MOCOS: variants seen among roughly 807,000 people sequenced by gnomAD.
The protein encoded by MOCOS is molybdenum cofactor sulfurase, also known as human molybdenum cofactor sulfurase.
In MOCOS, 86 loss-of-function variants were observed where a neutral mutation model predicts 83.6. That is an observed-to-expected ratio of 1.03 (90% CI 0.86 to 1.23). The LOEUF is 1.23. MOCOS is among the 50% of genes most tolerant of loss of function. MOCOS has a pLI of 0.00. For synonymous variants in MOCOS, 445 were observed against 434.7 expected (o/e 1.02, Z -0.29); for missense variants, 1,120 against 1,126.9 (o/e 0.99, Z 0.09).
At chr18:36,201,581 G>A (rs565272664) in intron 4 of MOCOS, among the ~76,000 whole-genome samples, 1 of 147,726 alleles carries the variant, frequency 6.8e-6, no homozygotes, top group South Asian at 2.2e-4. Context: ...AGAATTGCTT[G>A]AGCCCAGGAG....
rs188290317 is a variant in MOCOS at position 36,233,383 on chromosome 18, A to G, written c.1960+13166A>G. Reference sequence around the variant, plus strand: ...CCTTTTAATGGCTGAGTAGTATTCCATGGTGTTTGTGTGTTTGTATACCCA... The same window carrying G: ...CCTTTTAATGGCTGAGTAGTATTCCGTGGTGTTTGTGTGTTTGTATACCCA... On this transcript the variant is annotated intron_variant, in intron 9 of 14. Coordinates refer to ENST00000261326, the MANE Select transcript of MOCOS (RefSeq NM_017947.4). Among the ~76,000 whole-genome samples the G allele has an allele frequency of 2.4e-3, 359 of 152,290 alleles. 5 individuals carry two copies. The highest frequency in any genetic ancestry group is 3.9e-3 in the Non-Finnish European group (266 of 68,020).
chr18:36,209,887 A>G (rs2091447947), intron 6 of MOCOS, among the ~76,000 whole-genome samples: 1 of 152,172 alleles, frequency 6.6e-6, no homozygotes, highest in Non-Finnish European at 1.5e-5. Context: ...CATTTTTTGT[A>G]GAGACAGGGT....
intron 7 of MOCOS, 135 bp from the exon 8 acceptor site, chr18:36,215,381 A>G (rs1295542171): frequency 1.2e-5 from 10 of 840,386 alleles, no homozygotes; most frequent in African/African-American, 3.4e-5. Context: ...TCCCAGACGC[A>G]CAGCACATAT....
intron 9 of MOCOS, among the ~76,000 whole-genome samples, chr18:36,241,906 G>C (rs887625935): frequency 1.3e-5 from 2 of 152,200 alleles, no homozygotes; most frequent in African/African-American, 4.8e-5. Flanking sequence ...GCTGGATTGC[G>C]AGTGGCCAGA....
intron 7 of MOCOS, among the ~76,000 whole-genome samples, chr18:36,213,756 C>T (rs1020553584): frequency 6.6e-6 from 1 of 151,496 alleles, no homozygotes; most frequent in Non-Finnish European, 1.5e-5. Context: ...TGGTGAAACC[C>T]TGTCTCTACT....
chr18:36,248,875 G>T (rs369033901), intron 9 of MOCOS, 47 bp from the exon 10 acceptor site: 1 of 1,502,464 alleles, frequency 6.7e-7, no homozygotes, highest in Non-Finnish European at 9.3e-7. Context: ...TCAAGTAGCT[G>T]TTGTTTTTAC....
intron 2 of MOCOS, among the ~76,000 whole-genome samples, chr18:36,196,424 A>G (rs1449943122): frequency 2.0e-5 from 3 of 152,180 alleles, no homozygotes; most frequent in African/African-American, 7.2e-5. Flanking sequence ...GAGGCTGCAC[A>G]GGAAGGACTG....
intron 13 of MOCOS, among the ~76,000 whole-genome samples, 177 bp downstream of exon 13, chr18:36,260,352 A>G (rs1299994459): frequency 2.6e-5 from 4 of 152,176 alleles, no homozygotes; most frequent in Non-Finnish European, 5.9e-5. Context: ...GGAATAATCC[A>G]TCCTTTATTT....
chr18:36,188,587 C>T (rs2091351722), intron 1 of MOCOS, among the ~76,000 whole-genome samples: 1 of 152,160 alleles, frequency 6.6e-6, no homozygotes. Flanking sequence ...CACAGGGCAC[C>T]GGGGTTTGAG....
intron 9 of MOCOS, among the ~76,000 whole-genome samples, chr18:36,231,138 G>A (rs926764590): frequency 4.6e-5 from 7 of 152,028 alleles, no homozygotes; most frequent in African/African-American, 1.7e-4. Flanking sequence ...TTTTTATCAT[G>A]ACTAAATTTA....
Position 36,252,544 on chromosome 18 carries a change from C to T in MOCOS, c.2164+1261C>T, listed in dbSNP as rs578229298. On this transcript the variant is annotated intron_variant, in intron 11 of 14. Coordinates refer to ENST00000261326, the MANE Select transcript of MOCOS (RefSeq NM_017947.4). Reference sequence around the variant, plus strand: ...CTGTAGTCCAGCCTGGGTGACAAAGCGAGACTCTGTCTCAAAAAAAAATTT... The same window carrying T: ...CTGTAGTCCAGCCTGGGTGACAAAGTGAGACTCTGTCTCAAAAAAAAATTT... Among the ~76,000 whole-genome samples the T allele has an allele frequency of 1.7e-3, 261 of 151,560 alleles. 1 individual carries two copies. The highest frequency in any genetic ancestry group is 5.6e-3 in the African/African-American group (231 of 41,268).
chr18:36,225,432 G>A (rs1670208024), intron 9 of MOCOS, among the ~76,000 whole-genome samples: 2 of 152,186 alleles, frequency 1.3e-5, no homozygotes, highest in Admixed American at 6.5e-5. Context: ...TTACAAGCGT[G>A]AGCCACTGTG....
At chr18:36,232,061 G>A (rs1025304737) in intron 9 of MOCOS, among the ~76,000 whole-genome samples, 1 of 151,994 alleles carries the variant, frequency 6.6e-6, no homozygotes, top group Admixed American at 6.6e-5. Context: ...CCATCTCCTG[G>A]GCTCAAGCCT....
chr18:36,205,599 AGGTGGTTATCAGACGG>A (rs2091431891), intron 6 of MOCOS, among the ~76,000 whole-genome samples: 1 of 152,216 alleles, frequency 6.6e-6, no homozygotes, highest in African/African-American at 2.4e-5. Context: ...GCATGGTGGT[AGGTGGTTATCAGACGG>A]GGTGTCACAG....
intron 2 of MOCOS, among the ~76,000 whole-genome samples, chr18:36,196,996 G>T (rs2091390831): frequency 6.6e-6 from 1 of 152,178 alleles, no homozygotes; most frequent in Non-Finnish European, 1.5e-5. Flanking sequence ...ACCAAAGCCT[G>T]TCTGGGGGTT....
chr18:36,266,199 G>A lies in MOCOS; in HGVS notation c.2410-550G>A, dbSNP rs549693051. Among the ~76,000 whole-genome samples the A allele has an allele frequency of 3.6e-4, 55 of 152,228 alleles. 1 individual carries two copies. The highest frequency in any genetic ancestry group is 1.2e-3 in the African/African-American group (51 of 41,538). ...TGCCCAGGCTGCAGTGCAGTGGTGC[G>A]TTCTTGGCTTACTGCCACCTCCGCC... On this transcript the variant is annotated intron_variant, in intron 13 of 14. Coordinates refer to ENST00000261326, the MANE Select transcript of MOCOS (RefSeq NM_017947.4).
At chr18:36,216,879 TC>T (rs1270935673) in intron 8 of MOCOS, among the ~76,000 whole-genome samples, 1 of 152,172 alleles carries the variant, frequency 6.6e-6, no homozygotes, top group African/African-American at 2.4e-5. Context: ...GGGGTGTGTC[TC>T]CTGGGATGTA....
At chr18:36,239,230 T>G (rs116935435) in intron 9 of MOCOS, among the ~76,000 whole-genome samples, 2,995 of 152,274 alleles carry the variant, frequency 0.02, 44 homozygotes, top group Middle Eastern at 0.034. Context: ...TTCCTAGACT[T>G]GATGATCGTT....
At chr18:36,189,116 C>T (rs143273995) in intron 1 of MOCOS, among the ~76,000 whole-genome samples, 11 of 152,116 alleles carry the variant, frequency 7.2e-5, no homozygotes, top group Admixed American at 5.2e-4. Flanking sequence ...TGATCTCTCA[C>T]GCCCACTATT....
Sources: gnomAD v4.1 joint callset for allele counts (sites outside exome capture counted in the v4.1 genomes callset) on GRCh38, gnomAD v4.1.1 for gene constraint, MANE v1.5 for transcripts, NCBI Gene and HGNC (gene_info 2026-07-23, HGNC 2026-07-21) for gene names.